Variants in KCND3 observed in about 807,000 individuals in gnomAD.
KCND3 encodes A-type voltage-gated potassium channel KCND3.
Under a neutral mutation model 51.1 loss-of-function variants are expected in KCND3, and 9 were observed. The ratio of observed to expected loss-of-function variants is 0.18; its 90% confidence interval spans 0.11 to 0.31. KCND3 has a LOEUF of 0.31. KCND3 is among the 10% of genes least tolerant of loss of function. KCND3 has a pLI of 1.00. For synonymous variants in KCND3, 349 were observed against 368.0 expected, an observed-to-expected ratio of 0.95 and a Z score of 0.59; for missense variants, 526 against 903.8, an observed-to-expected ratio of 0.58 and a Z score of 5.36.
At chr1:111,986,620 C>G (rs1675299074) in intron 1 of KCND3, among the ~76,000 whole-genome samples, 1 of 152,076 alleles carries the variant, frequency 6.6e-6, no homozygotes, top group African/African-American at 2.4e-5. Context: ...AAGAATTGGA[C>G]AGGAACATGA....
chr1:111,920,286 G>A (rs1004882665), intron 2 of KCND3, among the ~76,000 whole-genome samples: 1 of 152,174 alleles, frequency 6.6e-6, no homozygotes, highest in South Asian at 2.1e-4. Context: ...TCCTGACCTG[G>A]GGGAGGAGAG....
intron 3 of KCND3, among the ~76,000 whole-genome samples, chr1:111,783,381 C>G (rs771307936): frequency 6.6e-6 from 1 of 152,054 alleles, no homozygotes; most frequent in Non-Finnish European, 1.5e-5. Context: ...TGAGCAAAGC[C>G]CAGGAGATTG....
At chr1:111,841,396 T>G (rs554433837) in intron 2 of KCND3, among the ~76,000 whole-genome samples, 18 of 152,162 alleles carry the variant, frequency 1.2e-4, no homozygotes, top group African/African-American at 4.3e-4. Flanking sequence ...GTTAACTTGT[T>G]TGACCACTCT....
chr1:111,925,872 A>G (rs1671673645), intron 2 of KCND3, among the ~76,000 whole-genome samples: 1 of 152,072 alleles, frequency 6.6e-6, no homozygotes, highest in Non-Finnish European at 1.5e-5. Context: ...GACTGTGCAC[A>G]GGGGCTAGGC....
At chr1:111,865,010 ATG>A (rs1220019297) in intron 2 of KCND3, among the ~76,000 whole-genome samples, 1 of 152,192 alleles carries the variant, frequency 6.6e-6, no homozygotes, top group East Asian at 1.9e-4. Context: ...GGCAGCAGGC[ATG>A]TTCGAGGAAC....
intron 1 of KCND3, among the ~76,000 whole-genome samples, chr1:111,985,952 G>A (rs191829984): frequency 1.1e-3 from 161 of 152,340 alleles, no homozygotes; most frequent in African/African-American, 3.8e-3. Flanking sequence ...AAAGAATGGA[G>A]GTCGTTCATG....
chr1:111,778,481 A>G lies in KCND3; in HGVS notation c.1473T>C (p.Tyr491=). ...HCLEKTTGLS[Y]LVDDPLLSVR... ...CAGATAACAGGGGATCATCCACAAG[A>G]TAGGACAACCCCTACAGGACAACAT... Residue 491 remains tyrosine, a synonymous_variant, in exon 6 of 8, where the codon TAT becomes TAC. Coordinates refer to ENST00000302127, the MANE Select transcript of KCND3 (RefSeq NM_001378969.1). 1.2e-6 allele frequency: 2 copies of G among 1,614,004 alleles called. No individual in the cohort carries two copies. Among genetic ancestry groups the G allele is most frequent in the Non-Finnish European group, 1.7e-6 (2 of 1,179,856 alleles).
chr1:111,814,452 C>T (rs1289211756), intron 2 of KCND3, among the ~76,000 whole-genome samples: 1 of 152,230 alleles, frequency 6.6e-6, no homozygotes, highest in Non-Finnish European at 1.5e-5. Context: ...CACCTGTGAA[C>T]AAGACCTGGG....
At chr1:111,889,639 G>T (rs1011447413) in intron 2 of KCND3, among the ~76,000 whole-genome samples, 2 of 152,048 alleles carry the variant, frequency 1.3e-5, no homozygotes, top group African/African-American at 4.8e-5. Flanking sequence ...TGATTTTGAG[G>T]GCTCCAAATG....
intron 2 of KCND3, among the ~76,000 whole-genome samples, chr1:111,884,038 T>C (rs1360714981): frequency 2.6e-5 from 4 of 152,246 alleles, no homozygotes; most frequent in Non-Finnish European, 5.9e-5. Context: ...AGGCTGCCTC[T>C]TGTAGGCTCT....
At chr1:111,866,909 T>C (rs6677695) in intron 2 of KCND3, among the ~76,000 whole-genome samples, 2 of 152,208 alleles carry the variant, frequency 1.3e-5, no homozygotes, top group Non-Finnish European at 2.9e-5. Flanking sequence ...GGATTAAATA[T>C]GCAGCTTCCC....
At chr1:111,824,951 CTTG>C (rs1666509555) in intron 2 of KCND3, among the ~76,000 whole-genome samples, 1 of 152,196 alleles carries the variant, frequency 6.6e-6, no homozygotes, top group Admixed American at 6.5e-5. Flanking sequence ...CCTGGCAGCA[CTTG>C]TTGTCTCAGT....
At chr1:111,882,386 G>T (rs1557997147) in intron 2 of KCND3, among the ~76,000 whole-genome samples, 1 of 152,212 alleles carries the variant, frequency 6.6e-6, no homozygotes. Context: ...CTTGACATCG[G>T]TGTTAGAGAA....
At chr1:111,941,906 T>C (rs1207860227) in intron 2 of KCND3, among the ~76,000 whole-genome samples, 1 of 152,208 alleles carries the variant, frequency 6.6e-6, no homozygotes, top group Non-Finnish European at 1.5e-5. Flanking sequence ...TCAGAGGCCA[T>C]GTGGATTGGG....
chr1:111,894,621 G>A (rs569782580), intron 2 of KCND3, among the ~76,000 whole-genome samples: 8 of 152,334 alleles, frequency 5.3e-5, no homozygotes, highest in East Asian at 1.9e-4. Flanking sequence ...GATGGCAGGC[G>A]TGATGACTAG....
At position 111,979,075 on chromosome 1, in the gene KCND3, A is replaced by G. The variant is rs17029205; in HGVS notation, c.1106+2546T>C. On this transcript the variant is annotated intron_variant, in intron 2 of 7. Coordinates refer to ENST00000302127, the MANE Select transcript of KCND3 (RefSeq NM_001378969.1). ...CCATTTGGTTCTCCTCCCAGAAGCTAGACATTTAAATGCATGGGGAAGGTA... is the reference window on the plus strand; with the variant it reads ...CCATTTGGTTCTCCTCCCAGAAGCTGGACATTTAAATGCATGGGGAAGGTA... Among the ~76,000 whole-genome samples, 1,123 of 152,340 alleles carry G rather than the reference A, an allele frequency of 7.4e-3. 12 individuals are homozygous for G. Among genetic ancestry groups the G allele is most frequent in the African/African-American group, 0.025 (1,050 of 41,572 alleles).
intron 2 of KCND3, among the ~76,000 whole-genome samples, chr1:111,804,960 C>T (rs956578658): frequency 6.6e-6 from 1 of 152,216 alleles, no homozygotes; most frequent in Non-Finnish European, 1.5e-5. Flanking sequence ...TCCCCACCTC[C>T]CTGTCCCATG....
At chr1:111,935,001 A>G (rs1672152586) in intron 2 of KCND3, among the ~76,000 whole-genome samples, 1 of 152,190 alleles carries the variant, frequency 6.6e-6, no homozygotes, top group Non-Finnish European at 1.5e-5. Flanking sequence ...TGACTGATGG[A>G]TGTCACCTTT....
chr1:111,957,353 G>A (rs1220382461), intron 2 of KCND3, among the ~76,000 whole-genome samples: 6 of 152,306 alleles, frequency 3.9e-5, no homozygotes, highest in African/African-American at 7.2e-5. Context: ...GTGATGGGCC[G>A]GGAACAAAGC....
Sources: allele counts gnomAD v4.1 joint callset (sites outside exome capture counted in the v4.1 genomes callset), GRCh38; gene constraint gnomAD v4.1.1; transcripts MANE v1.5; gene names NCBI Gene and HGNC (gene_info 2026-07-23, HGNC 2026-07-21).